The following PHACTR1 variants were observed in gnomAD, a reference collection of about 807,000 sequenced individuals.
PHACTR1 encodes phosphatase and actin regulator 1.
In PHACTR1, 16 loss-of-function variants were observed where a neutral mutation model predicts 69.2. That is an observed-to-expected ratio of 0.23 (90% CI 0.16 to 0.35). The LOEUF is 0.35. Among genes scored for constraint, PHACTR1 ranks in the 10% least tolerant of loss-of-function variants. The probability of loss-of-function intolerance (pLI) is 1.00; values close to 1 mark genes in which losing one functional copy is unlikely to be tolerated. For missense variants in PHACTR1, 510 were observed against 734.7 expected (o/e 0.69, Z 3.54); for synonymous variants, 312 against 284.5 (o/e 1.10, Z -0.97).
chr6:13,087,703 T>A (rs1156589593), intron 5 of PHACTR1, among the ~76,000 whole-genome samples: 2 of 151,756 alleles, frequency 1.3e-5, no homozygotes. Flanking sequence ...TGGTGTGCAG[T>A]GGTGTGATCA....
At chr6:13,009,258 T>C (rs1799176661) in intron 4 of PHACTR1, among the ~76,000 whole-genome samples, 1 of 152,164 alleles carries the variant, frequency 6.6e-6, no homozygotes, top group Non-Finnish European at 1.5e-5. Flanking sequence ...CACTCACATG[T>C]TCCAGGTGGG....
chr6:12,859,895 A>G (rs1352136491), intron 4 of PHACTR1, among the ~76,000 whole-genome samples: 1 of 152,200 alleles, frequency 6.6e-6, no homozygotes, highest in Non-Finnish European at 1.5e-5. Context: ...AATATTCTGC[A>G]GAAGGTTTTT....
chr6:13,283,342 A>G lies in PHACTR1; in HGVS notation c.1510-80A>G. 6.6e-7 allele frequency: 1 copy of G among 1,512,968 alleles called. No individual in the cohort carries two copies. The highest frequency in any genetic ancestry group is 8.9e-7 in the Non-Finnish European group (1 of 1,119,456). The allele number at this position is 1,512,968 out of a possible 1,614,324, so 93.7% of individuals were successfully genotyped here. On this transcript the variant is annotated intron_variant, in intron 12 of 14. Transcript: ENST00000332995. This position sits in a 1 kb window ranked among gnomAD's most constrained non-coding sequence, Gnocchi z 4.7. Reference sequence around the variant, plus strand: ...CGCCTCACTGAACCTTATTTTCCACACCTGCAAGTTCACAGACAGGACCAA... The same window carrying G: ...CGCCTCACTGAACCTTATTTTCCACGCCTGCAAGTTCACAGACAGGACCAA...
intron 4 of PHACTR1, among the ~76,000 whole-genome samples, chr6:12,934,658 A>G (rs1789240737): frequency 6.6e-6 from 1 of 152,116 alleles, no homozygotes; most frequent in Non-Finnish European, 1.5e-5. Context: ...CAATATGGTG[A>G]AACCCCGTCT....
intron 5 of PHACTR1, among the ~76,000 whole-genome samples, chr6:13,159,184 C>T (rs1197543465): frequency 6.6e-6 from 1 of 152,186 alleles, no homozygotes; most frequent in African/African-American, 2.4e-5. Flanking sequence ...AAGCACTTGA[C>T]CTAGGTGCAT....
At chr6:13,111,505 C>T (rs1817030891) in intron 5 of PHACTR1, among the ~76,000 whole-genome samples, 1 of 152,072 alleles carries the variant, frequency 6.6e-6, no homozygotes, top group Non-Finnish European at 1.5e-5. Context: ...TGTCGCACAC[C>T]TCATTGTTTT....
chr6:13,006,877 T>C (rs954253257), intron 4 of PHACTR1, among the ~76,000 whole-genome samples: 1 of 152,198 alleles, frequency 6.6e-6, no homozygotes, highest in African/African-American at 2.4e-5. Flanking sequence ...TGAACTTCAG[T>C]TATCTTTTAT....
chr6:13,191,290 T>G (rs1467589236), intron 7 of PHACTR1, among the ~76,000 whole-genome samples: 5 of 152,184 alleles, frequency 3.3e-5, no homozygotes, highest in Non-Finnish European at 7.3e-5. Context: ...TAACTGATAA[T>G]TTGAAGGTGT....
chr6:13,076,247 T>A (rs1810451766), intron 5 of PHACTR1, among the ~76,000 whole-genome samples: 2 of 152,174 alleles, frequency 1.3e-5, no homozygotes, highest in African/African-American at 4.8e-5. Flanking sequence ...ATTACAGGGC[T>A]GCAAGATAAG....
At chr6:12,984,080 T>C (rs193057928) in intron 4 of PHACTR1, among the ~76,000 whole-genome samples, 480 of 152,328 alleles carry the variant, frequency 3.2e-3, no homozygotes, top group African/African-American at 0.011. Flanking sequence ...GATGGCTGGG[T>C]CAAATGGTAT....
chr6:12,980,352 A>G (rs376785078), intron 4 of PHACTR1, among the ~76,000 whole-genome samples: 2 of 152,254 alleles, frequency 1.3e-5, no homozygotes, highest in African/African-American at 4.8e-5. Flanking sequence ...TAAAGTGACC[A>G]GGATGAGAGA....
chr6:13,098,924 C>A (rs1814704096), intron 5 of PHACTR1, among the ~76,000 whole-genome samples: 1 of 152,214 alleles, frequency 6.6e-6, no homozygotes, highest in South Asian at 2.1e-4. Context: ...CAAGTCTCTG[C>A]CCTGTAGCCA....
chr6:12,748,270 A>T (rs890031704), intron 3 of PHACTR1, among the ~76,000 whole-genome samples: 1 of 152,226 alleles, frequency 6.6e-6, no homozygotes, highest in South Asian at 2.1e-4. Flanking sequence ...TAAAAGACCA[A>T]TGAAGAGAGA....
intron 5 of PHACTR1, among the ~76,000 whole-genome samples, chr6:13,149,432 CA>C (rs79164179): frequency 0.097 from 14,694 of 152,128 alleles, 1,632 homozygotes; most frequent in African/African-American, 0.27. Context: ...TACTATTCTG[CA>C]AAAACAGACT....
At chr6:12,792,066 G>C (rs1772351023) in intron 4 of PHACTR1, among the ~76,000 whole-genome samples, 1 of 152,252 alleles carries the variant, frequency 6.6e-6, no homozygotes, top group Admixed American at 6.5e-5. Flanking sequence ...ATACATGCAG[G>C]TATATATGTA....
At chr6:12,747,867 G>C (rs1766007156) in intron 3 of PHACTR1, among the ~76,000 whole-genome samples, 1 of 152,110 alleles carries the variant, frequency 6.6e-6, no homozygotes, top group African/African-American at 2.4e-5. Context: ...GGATGGGAAA[G>C]ACAGGTTGTA....
chr6:13,017,103 T>C (rs1800286502), intron 4 of PHACTR1, among the ~76,000 whole-genome samples: 1 of 150,432 alleles, frequency 6.6e-6, no homozygotes, highest in Admixed American at 6.7e-5. Flanking sequence ...GGAGAATTGC[T>C]TGAACCCAGG....
chr6:12,838,580 T>C (rs534236624), intron 4 of PHACTR1, among the ~76,000 whole-genome samples: 1 of 152,308 alleles, frequency 6.6e-6, no homozygotes, highest in South Asian at 2.1e-4. Flanking sequence ...AATAAACAAG[T>C]AAAATTTCGT....
chr6:13,130,695 C>T (rs1016145590), intron 5 of PHACTR1, among the ~76,000 whole-genome samples: 1 of 152,058 alleles, frequency 6.6e-6, no homozygotes, highest in African/African-American at 2.4e-5. Context: ...GGTCCAGGAC[C>T]AGATGGATTC....
Sources: gnomAD v4.1 joint callset for allele counts (sites outside exome capture counted in the v4.1 genomes callset) on GRCh38, gnomAD v4.1.1 for gene constraint, Gnocchi (gnomAD v3.1) non-coding constraint, MANE v1.5 for transcripts, NCBI Gene and HGNC (gene_info 2026-07-23, HGNC 2026-07-21) for gene names.